Variants in SPI1 observed in about 807,000 individuals in gnomAD.
SPI1 encodes the protein transcription factor PU.1.
SPI1 carries 3 observed loss-of-function variants against 30.7 expected under a neutral mutation model. The ratio of observed to expected loss-of-function variants is 0.10; its 90% confidence interval spans 0.04 to 0.25. The LOEUF is 0.25. Among genes scored for constraint, SPI1 ranks in the 10% least tolerant of loss-of-function variants. The pLI is 1.00. For synonymous variants in SPI1, 169 were observed against 157.1 expected (o/e 1.08, Z -0.56); for missense variants, 261 against 371.5 (o/e 0.70, Z 2.45).
At chr11:47,376,117 A>T (rs1015917037) in intron 1 of SPI1, among the ~76,000 whole-genome samples, 7 of 151,242 alleles carry the variant, frequency 4.6e-5, no homozygotes, top group Admixed American at 1.3e-4. Context: ...CCACACGAGG[A>T]CTCACTCTCA....
intron 2 of SPI1, among the ~76,000 whole-genome samples, chr11:47,369,788 C>G (rs893314135): frequency 6.6e-6 from 1 of 152,172 alleles, no homozygotes; most frequent in African/African-American, 2.4e-5. Flanking sequence ...AGACATGAGG[C>G]AAAACACAAA....
intron 2 of SPI1, among the ~76,000 whole-genome samples, chr11:47,371,089 G>A (rs1595862291): frequency 6.6e-6 from 1 of 152,066 alleles, no homozygotes; most frequent in South Asian, 2.1e-4. Context: ...GGCCGGGCAC[G>A]GTGGCTCACG....
chr11:47,378,462 G>A lies in SPI1; in HGVS notation c.-109C>T. 7.9e-7 allele frequency: 1 copy of A among 1,264,958 alleles called. No homozygotes were observed. The highest frequency in any genetic ancestry group is 1.1e-6 in the Non-Finnish European group (1 of 892,600). 78.4% of individuals were successfully genotyped at this position (1,264,958 alleles called of 1,614,324 possible). A position where few individuals can be genotyped will look rare whatever the true frequency, so the allele number is the denominator to read the frequency against. ...GCTGGACGGTCGTGGGGCGGGTGCA[G>A]GGCTCAGGCCTGCCCCCTGAGCTAC... On this transcript the variant is annotated 5_prime_UTR_variant, in exon 1 of 5. Transcript: ENST00000378538.
In SPI1 at chr11:47,378,325, A is replaced by T. The variant is rs1260363610; in HGVS notation, c.29T>A (p.Phe10Tyr). The change falls in exon 1 of 5, where the codon TTT (phenylalanine) becomes TAT (tyrosine). Residue 10 changes from phenylalanine to tyrosine, a missense_variant. Around this residue, in one of 5 missense-constraint regions of SPI1, gnomAD observed 78 missense variants for 93.2 expected, o/e 0.84. Transcript: ENST00000378538. ...GGTACTCACAGGGGGGACGAGGGGA[A>T]ACCCTTCCATTTTGCACGCCTGTAA... Reference protein sequence around the residue: MLQACKMEGFPLVPPPSEDL... With the variant: MLQACKMEGYPLVPPPSEDL... The T allele has an allele frequency of 6.2e-7, 1 of 1,613,662 alleles. No individual in the cohort carries two copies. The highest frequency in any genetic ancestry group is 8.5e-7 in the Non-Finnish European group (1 of 1,179,856).
chr11:47,358,367 C>T, intron 4 of SPI1: 1 of 604,058 alleles, frequency 1.7e-6, no homozygotes, highest in Non-Finnish European at 3.0e-6. Flanking sequence ...CACACCCACA[C>T]ACTGCTGACA....
chr11:47,360,708 C>G (rs2095919439), intron 2 of SPI1, among the ~76,000 whole-genome samples: 1 of 151,660 alleles, frequency 6.6e-6, no homozygotes, highest in Non-Finnish European at 1.5e-5. Flanking sequence ...TGCCGTAATC[C>G]CAGCTACTCA....
intron 4 of SPI1, among the ~76,000 whole-genome samples, chr11:47,355,841 A>G (rs926492159): frequency 7.5e-5 from 10 of 133,186 alleles, no homozygotes; most frequent in Admixed American, 7.4e-4. Context: ...TCACATCCAC[A>G]TAACGCACCC....
chr11:47,359,730 C>A lies in SPI1; in HGVS notation c.330+123G>T, dbSNP rs940220556. ...CGGCAGCCGTTGGAGCTCCAGCCGC[C>A]GTTGGCACTGTGGGGCAGGAAGCTG... On this transcript the variant is annotated intron_variant, in intron 3 of 4. Coordinates refer to ENST00000378538, the MANE Select transcript of SPI1 (RefSeq NM_003120.3). The surrounding 1 kb of genome is among the most constrained non-coding windows in gnomAD (Gnocchi z 5.1). The A allele has an allele frequency of 7.1e-6, 8 of 1,119,628 alleles. No homozygotes were observed. In the African/African-American group the frequency reaches 1.2e-4, roughly 17 times the overall value. 69.4% of individuals were successfully genotyped at this position (1,119,628 alleles called of 1,614,324 possible). A position where few individuals can be genotyped will look rare whatever the true frequency, so the allele number is the denominator to read the frequency against.
chr11:47,375,291 G>A lies in SPI1; in HGVS notation c.142+342C>T, dbSNP rs924679554. ...GAAAAAAAAGCACAGGACCTGGAGCGGACAGACCTGGGTTCCACCCAGCAG... is the reference window on the plus strand; with the variant it reads ...GAAAAAAAAGCACAGGACCTGGAGCAGACAGACCTGGGTTCCACCCAGCAG... On this transcript the variant is annotated intron_variant, in intron 2 of 4. Coordinates refer to ENST00000378538, the MANE Select transcript of SPI1 (RefSeq NM_003120.3). This position sits in a 1 kb window ranked among gnomAD's most constrained non-coding sequence, Gnocchi z 4.2. Among the ~76,000 whole-genome samples, 4 of 152,182 alleles carry A rather than the reference G, an allele frequency of 2.6e-5. No homozygotes were observed. Among genetic ancestry groups the A allele is most frequent in the Non-Finnish European group, 5.9e-5 (4 of 68,022 alleles).
At chr11:47,358,691 GAC>G in intron 4 of SPI1, 151 bp downstream of exon 4, 1 of 797,380 alleles carries the variant, frequency 1.3e-6, no homozygotes, top group Non-Finnish European at 2.1e-6. Flanking sequence ...GACAGCCACA[GAC>G]AGCCCCACAA....
intron 2 of SPI1, among the ~76,000 whole-genome samples, chr11:47,366,822 AAAAAGAAAAG>A (rs10635081): frequency 0.26 from 39,138 of 149,226 alleles, 6,409 homozygotes; most frequent in Non-Finnish European, 0.36. Context: ...ACGCTGTCTC[AAAAAGAAAAG>A]AAAAGAAAAG....
intron 2 of SPI1, among the ~76,000 whole-genome samples, chr11:47,362,639 G>A (rs1015791991): frequency 1.3e-4 from 18 of 140,538 alleles, no homozygotes; most frequent in Admixed American, 3.7e-4. Context: ...GCAGTGGCAC[G>A]ATATCGGCTC....
Position 47,359,949 on chromosome 11 carries a change from G to C in SPI1, c.234C>G (p.Pro78=). The C allele has an allele frequency of 1.2e-6, 2 of 1,611,774 alleles. No individual in the cohort carries two copies. Among genetic ancestry groups the C allele is most frequent in the Non-Finnish European group, 1.7e-6 (2 of 1,179,704 alleles). The change falls in exon 3 of 5, where the codon CCC becomes CCG. Residue 78 remains proline (P), a synonymous_variant. Coordinates refer to ENST00000378538, the MANE Select transcript of SPI1 (RefSeq NM_003120.3). The surrounding 1 kb of genome is among the most constrained non-coding windows in gnomAD (Gnocchi z 5.1). ...GGCGGTAGAGCTGCTGCAGCTGCGG[G>C]GGCTGCACGCTCTGGAGCTCCGTGA... ...NNFTELQSVQ[P]PQLQQLYRHM...
In SPI1 at chr11:47,378,301, G is replaced by A. The variant is rs773740083; in HGVS notation, c.45+8C>T. The A allele has an allele frequency of 2.5e-6, 4 of 1,613,598 alleles. No individual in the cohort carries two copies. The highest frequency in any genetic ancestry group is 4.5e-5 in the East Asian group (2 of 44,874). ...GGGTTGGGCTGGTGGAGGAGTCCCG[G>A]TACTCACAGGGGGGACGAGGGGAAA... is the stretch of plus-strand genomic sequence containing the variant. On this transcript the variant is annotated splice_region_variant and intron_variant, in intron 1 of 4. Transcript: ENST00000378538.
Position 47,374,229 on chromosome 11 carries a change from G to T in SPI1, c.142+1404C>A, listed in dbSNP as rs1032117215. 6.6e-6 allele frequency among the ~76,000 whole-genome samples: 1 copy of T among 152,136 alleles called. No individual in the cohort carries two copies. Among genetic ancestry groups the T allele is most frequent in the Non-Finnish European group, 1.5e-5 (1 of 68,016 alleles). On this transcript the variant is annotated intron_variant, in intron 2 of 4. Coordinates refer to ENST00000378538, the MANE Select transcript of SPI1 (RefSeq NM_003120.3). The surrounding 1 kb of genome is among the most constrained non-coding windows in gnomAD (Gnocchi z 4.5). ...AGCTGGGGATGGAGTTGGGGGAGGG[G>T]GACTTTCTCTCTACATTGCCTGGGT...
At position 47,359,155 on chromosome 11, in the gene SPI1, A is replaced by AG; in HGVS notation, c.331-150dup. ...GACTGGAGGAAGAAGACCAGGGAAA[A>AG]GGGGGGCCAGTTGAGGTGCTGCACA... On this transcript the variant is annotated intron_variant, in intron 3 of 4. Transcript: ENST00000378538. The surrounding 1 kb of genome is among the most constrained non-coding windows in gnomAD (Gnocchi z 5.1). The AG allele has an allele frequency of 1.4e-6, 1 of 690,742 alleles. No homozygotes were observed. Among genetic ancestry groups the AG allele is most frequent in the South Asian group, 2.1e-5 (1 of 46,704 alleles). The allele number at this position is 690,742 out of a possible 1,614,324, so 42.8% of individuals were successfully genotyped here.
At position 47,355,106 on chromosome 11, in the gene SPI1, C is replaced by A; in HGVS notation, c.*121G>T. The A allele has an allele frequency of 1.3e-6, 1 of 745,734 alleles. No individual in the cohort carries two copies. The allele number at this position is 745,734 out of a possible 1,614,324, so 46.2% of individuals were successfully genotyped here. ...GGGGGAGGGGGCGGGTGAGGCGAGG[C>A]CCGGCCCGCCACAGTCCTGCCTCTG... On this transcript the variant is annotated 3_prime_UTR_variant, in exon 5 of 5. Transcript: ENST00000378538.
intron 4 of SPI1, among the ~76,000 whole-genome samples, chr11:47,356,161 CACACTG>C (rs1364778273): frequency 1.3e-5 from 2 of 151,546 alleles, no homozygotes; most frequent in Non-Finnish European, 2.9e-5. Flanking sequence ...TCTGCCCTCA[CACACTG>C]TCACTTTCTC....
In SPI1 at chr11:47,362,305, T is replaced by C. The variant is rs372438660; in HGVS notation, c.143-2265A>G. 4.6e-5 allele frequency among the ~76,000 whole-genome samples: 7 copies of C among 152,218 alleles called. No individual in the cohort carries two copies. The East Asian group carries it at 1.4e-3, about 29-fold the overall frequency. On this transcript the variant is annotated intron_variant, in intron 2 of 4. Coordinates refer to ENST00000378538, the MANE Select transcript of SPI1 (RefSeq NM_003120.3). The stretch of plus-strand genomic sequence containing the variant: ...AGCCTAGATTCCCACTGAGTGTGGT[T>C]ACACCTATAATCCCAGCTACCCAGG...
Sources: gnomAD v4.1 joint callset for allele counts (sites outside exome capture counted in the v4.1 genomes callset) on GRCh38, gnomAD v4.1.1 for gene constraint, gnomAD v4.1.1 regional missense constraint, Gnocchi (gnomAD v3.1) non-coding constraint, MANE v1.5 for transcripts, NCBI Gene and HGNC (gene_info 2026-07-23, HGNC 2026-07-21) for gene names.